The following PCDH15 variants were observed in gnomAD, a reference collection of about 807,000 sequenced individuals.
PCDH15 encodes protocadherin related 15.
Under a neutral mutation model 178.5 loss-of-function variants are expected in PCDH15, and 129 were observed. The ratio of observed to expected loss-of-function variants is 0.72; its 90% CI spans 0.63 to 0.84. The LOEUF is 0.84. Among genes scored for constraint, PCDH15 ranks in the 40% least tolerant of loss-of-function variants. The probability of loss-of-function intolerance (pLI) is 0.00; values close to 1 mark genes in which losing one functional copy is unlikely to be tolerated. For synonymous variants in PCDH15, 800 were observed against 732.0 expected, an observed-to-expected ratio of 1.09 and a Z score of -1.50; for missense variants, 2,230 against 2,099.9, an observed-to-expected ratio of 1.06 and a Z score of -1.21.
chr10:54,573,156 AT>A (rs1479303290), intron 2 of PCDH15, among the ~76,000 whole-genome samples: 1 of 152,146 alleles, frequency 6.6e-6, no homozygotes, highest in Non-Finnish European at 1.5e-5. Context: ...TCAGGAGTGG[AT>A]AAAGGATGTC....
chr10:54,897,423 T>C (rs540006455), intron 3 of PCDH15: 1 of 152,340 alleles, frequency 6.6e-6, no homozygotes, highest in East Asian at 1.9e-4. Context: ...AAACATATAC[T>C]TGAATATTAA....
At chr10:55,218,856 G>A (rs539986249) in intron 1 of PCDH15, among the ~76,000 whole-genome samples, 11 of 151,822 alleles carry the variant, frequency 7.2e-5, no homozygotes, top group East Asian at 1.9e-4. Flanking sequence ...TCTACACTCC[G>A]GTTCTTCAAT....
rs1054042724 is a variant in PCDH15 at position 54,639,793 on chromosome 10, G to A, written c.91+24379C>T. 5.9e-5 allele frequency among the ~76,000 whole-genome samples: 9 copies of A among 152,242 alleles called. No individual in the cohort carries two copies. In the South Asian group the frequency reaches 8.3e-4, roughly 14 times the overall value. ...GATTCTGAGGTTTTCAAATAGATTCGTGTGTATCTGCAGCCACCCAACCAC... is the reference window on the plus strand; with the variant it reads ...GATTCTGAGGTTTTCAAATAGATTCATGTGTATCTGCAGCCACCCAACCAC... On this transcript the variant is annotated intron_variant, in intron 2 of 37. Transcript: ENST00000644397.
chr10:55,375,483 A>G (rs529810572), intron 2 of PCDH15, among the ~76,000 whole-genome samples: 1 of 152,232 alleles, frequency 6.6e-6, no homozygotes, highest in Non-Finnish European at 1.5e-5. Flanking sequence ...CATCTGCATC[A>G]TCACAATTTC....
intron 28 of PCDH15, among the ~76,000 whole-genome samples, chr10:53,850,305 G>A (rs2078274678): frequency 6.6e-6 from 1 of 152,114 alleles, no homozygotes; most frequent in Non-Finnish European, 1.5e-5. Context: ...CTACTGCAAT[G>A]TGCACAAGGA....
At chr10:54,426,505 T>C (rs1261763031) in intron 3 of PCDH15, among the ~76,000 whole-genome samples, 1 of 152,178 alleles carries the variant, frequency 6.6e-6, no homozygotes, top group African/African-American at 2.4e-5. Flanking sequence ...CATCCTGCTG[T>C]GTGGCCCAGT....
intron 2 of PCDH15, among the ~76,000 whole-genome samples, chr10:55,551,574 A>G (rs1842004044): frequency 6.6e-6 from 1 of 151,840 alleles, no homozygotes. Flanking sequence ...TGTTTCCCAA[A>G]AAAGTTGGCA....
chr10:54,352,727 T>A (rs1944370498), intron 5 of PCDH15, among the ~76,000 whole-genome samples: 1 of 152,156 alleles, frequency 6.6e-6, no homozygotes, highest in Non-Finnish European at 1.5e-5. Context: ...TTAATATCAT[T>A]GATCTGATTT....
chr10:54,761,683 A>AAAAACAAAACAAAAC (rs71014416), intron 1 of PCDH15, among the ~76,000 whole-genome samples: 8 of 149,942 alleles, frequency 5.3e-5, no homozygotes, highest in Middle Eastern at 3.2e-3. Flanking sequence ...ACTCTGTCTC[A>AAAAACAAAACAAAAC]AAAACAAAAC....
Position 55,436,099 on chromosome 10 carries a change from ATTC to A in PCDH15, c.-156+191523_-156+191525del, listed in dbSNP as rs1438974283. The stretch of plus-strand genomic sequence containing the variant: ...TGATCTCTTTAACCCTATGCTGAAA[ATTC>A]TTAATTATGGAAATTAATTAAAGTG... On this transcript the variant is annotated intron_variant, in intron 2 of 5. Transcript: ENST00000613346. Among the ~76,000 whole-genome samples, 9 of 152,208 alleles carry A rather than the reference ATTC, an allele frequency of 5.9e-5. No homozygotes were observed. The East Asian group carries it at 1.5e-3, about 26-fold the overall frequency.
chr10:54,905,879 C>A (rs1333238084), intron 2 of PCDH15, among the ~76,000 whole-genome samples: 1 of 152,058 alleles, frequency 6.6e-6, no homozygotes, highest in Admixed American at 6.6e-5. Context: ...TTTAATGCAG[C>A]AGATTAACCG....
At position 55,315,588 on chromosome 10, in the gene PCDH15, T is replaced by C. The variant is rs117751099; in HGVS notation, c.-156+4011A>G. Among the ~76,000 whole-genome samples, 414 of 152,334 alleles carry C rather than the reference T, an allele frequency of 2.7e-3. 1 individual carries two copies. The highest frequency in any genetic ancestry group is 4.3e-3 in the Non-Finnish European group (291 of 68,020). ...GGTCATACTTTTTATTCCACCCTCA[T>C]CACCATCCCCACATTTACATATCTA... is the stretch of plus-strand genomic sequence containing the variant. On this transcript the variant is annotated intron_variant, in intron 1 of 5. Coordinates refer to the PCDH15 transcript ENST00000458638.
chr10:54,990,296 A>G (rs532079820), intron 2 of PCDH15, among the ~76,000 whole-genome samples: 3 of 152,342 alleles, frequency 2.0e-5, no homozygotes, highest in South Asian at 4.1e-4. Flanking sequence ...AGTAGAAAAT[A>G]CCATTTTTTT....
At chr10:54,204,038 C>T (rs947812256) in intron 10 of PCDH15, among the ~76,000 whole-genome samples, 1 of 152,124 alleles carries the variant, frequency 6.6e-6, no homozygotes, top group African/African-American at 2.4e-5. Flanking sequence ...CTTAAGCTTT[C>T]AACCAATTTA....
At chr10:55,322,946 G>A (rs117618133), upstream of PCDH15, among the ~76,000 whole-genome samples, 2,408 of 152,210 alleles carry the variant, frequency 0.016, 39 homozygotes, top group Non-Finnish European at 0.022. Context: ...GCTTAGAAGG[G>A]AAAAATGGTT....
chr10:54,473,528 GT>G (rs1792698868), intron 3 of PCDH15, among the ~76,000 whole-genome samples: 1 of 151,982 alleles, frequency 6.6e-6, no homozygotes, highest in Non-Finnish European at 1.5e-5. Context: ...TAACTTCACA[GT>G]TTTCCTTCTA....
At chr10:54,734,229 A>T (rs2132697541) in intron 1 of PCDH15, among the ~76,000 whole-genome samples, 1 of 152,020 alleles carries the variant, frequency 6.6e-6, no homozygotes, top group South Asian at 2.1e-4. Context: ...ACACGATAAT[A>T]AGGAAAATAT....
chr10:54,011,860 T>C (rs112386946), intron 20 of PCDH15, among the ~76,000 whole-genome samples: 1,770 of 152,246 alleles, frequency 0.012, 41 homozygotes, highest in African/African-American at 0.04. Flanking sequence ...TGCAAGAACT[T>C]TGGCAACTCA....
chr10:55,441,174 A>G (rs11004863), intron 2 of PCDH15, among the ~76,000 whole-genome samples: 47,113 of 152,064 alleles, frequency 0.31, 7,529 homozygotes, highest in African/African-American at 0.37. Context: ...TCTAATAGCT[A>G]CTGAAACAAC....
Sources: allele counts gnomAD v4.1 joint callset (sites outside exome capture counted in the v4.1 genomes callset), GRCh38; gene constraint gnomAD v4.1.1; transcripts MANE v1.5; gene names NCBI Gene and HGNC (gene_info 2026-07-23, HGNC 2026-07-21).